ADAM22: variants seen among roughly 807,000 people sequenced by gnomAD.
ADAM22 encodes disintegrin and metalloproteinase domain-containing protein 22.
In ADAM22, 65 loss-of-function variants were observed where a neutral mutation model predicts 144.6. The ratio of observed to expected loss-of-function variants is 0.45; its 90% CI spans 0.37 to 0.55. The LOEUF is 0.55. ADAM22 is among the 20% of genes least tolerant of loss of function. The probability of loss-of-function intolerance (pLI) is 0.00; values close to 1 mark genes in which losing one functional copy is unlikely to be tolerated. For missense variants in ADAM22, 974 were observed against 1,184.9 expected (o/e 0.82, Z 2.61); for synonymous variants, 391 against 412.6 (o/e 0.95, Z 0.63).
intron 14 of ADAM22, among the ~76,000 whole-genome samples, chr7:88,141,468 G>C (rs1009656352): frequency 1.3e-5 from 2 of 151,862 alleles, no homozygotes; most frequent in South Asian, 4.1e-4. Flanking sequence ...GAAGAAGTAG[G>C]GATATAAATG....
At chr7:88,026,022 A>T (rs895843069) in intron 3 of ADAM22, among the ~76,000 whole-genome samples, 1 of 152,112 alleles carries the variant, frequency 6.6e-6, no homozygotes, top group South Asian at 2.1e-4. Context: ...TTCTTTGACA[A>T]ATGTTTTATA....
At chr7:88,045,577 A>G (rs1364798247) in intron 3 of ADAM22, among the ~76,000 whole-genome samples, 2 of 152,182 alleles carry the variant, frequency 1.3e-5, no homozygotes, top group Admixed American at 6.5e-5. Context: ...TTCCAAGTAT[A>G]TAATACATTA....
intron 3 of ADAM22, among the ~76,000 whole-genome samples, chr7:88,064,963 A>G (rs976979171): frequency 6.6e-6 from 1 of 152,136 alleles, no homozygotes; most frequent in African/African-American, 2.4e-5. Flanking sequence ...AGCAGTGGTA[A>G]TAGTAGTAGG....
intron 18 of ADAM22, among the ~76,000 whole-genome samples, chr7:88,149,423 TAGAG>T (rs930187308): frequency 2.0e-5 from 3 of 152,144 alleles, no homozygotes; most frequent in Non-Finnish European, 4.4e-5. Flanking sequence ...ACTGGATTCT[TAGAG>T]AGGACCCTTT....
chr7:88,169,467 T>G (rs113418073), intron 25 of ADAM22, among the ~76,000 whole-genome samples: 4 of 152,182 alleles, frequency 2.6e-5, no homozygotes, highest in African/African-American at 9.6e-5. Context: ...GGCAGTAAAC[T>G]AATTGCTCTC....
At chr7:88,041,929 T>C (rs1803219368) in intron 3 of ADAM22, among the ~76,000 whole-genome samples, 1 of 152,136 alleles carries the variant, frequency 6.6e-6, no homozygotes, top group East Asian at 1.9e-4. Flanking sequence ...TGTAGATTTC[T>C]TATTTGAATA....
At chr7:87,948,144 T>G (rs1157446196) in intron 2 of ADAM22, among the ~76,000 whole-genome samples, 1 of 152,188 alleles carries the variant, frequency 6.6e-6, no homozygotes, top group Non-Finnish European at 1.5e-5. Flanking sequence ...CTTTTCTCAT[T>G]CGGTATGACC....
chr7:88,087,740 G>A (rs372504592), intron 4 of ADAM22, among the ~76,000 whole-genome samples: 1 of 152,150 alleles, frequency 6.6e-6, no homozygotes, highest in East Asian at 1.9e-4. Context: ...ATCAGTGAAT[G>A]TCTATGTGTA....
At chr7:88,161,229 C>CTATTCAA (rs761949745) in intron 22 of ADAM22, among the ~76,000 whole-genome samples, 8 of 150,824 alleles carry the variant, frequency 5.3e-5, no homozygotes, top group Non-Finnish European at 1.2e-4. Flanking sequence ...AAAGGACTCC[C>CTATTCAA]TATTCAATAA....
At chr7:87,977,244 A>G (rs937469820) in intron 2 of ADAM22, among the ~76,000 whole-genome samples, 1 of 152,166 alleles carries the variant, frequency 6.6e-6, no homozygotes, top group African/African-American at 2.4e-5. Flanking sequence ...TCTTATTATT[A>G]TTAATCAGAC....
chr7:88,008,399 G>A (rs1242232157), intron 3 of ADAM22, among the ~76,000 whole-genome samples: 1 of 150,352 alleles, frequency 6.7e-6, no homozygotes, highest in East Asian at 2.0e-4. Context: ...CCCATTACTG[G>A]GTATATACCC....
At chr7:88,052,445 A>G (rs1806742387) in intron 3 of ADAM22, among the ~76,000 whole-genome samples, 1 of 151,962 alleles carries the variant, frequency 6.6e-6, no homozygotes, top group Non-Finnish European at 1.5e-5. Flanking sequence ...ACTTGCAGTC[A>G]GCGGAGATCA....
chr7:88,114,312 CTA>C (rs1220880647), intron 5 of ADAM22, among the ~76,000 whole-genome samples: 1 of 152,020 alleles, frequency 6.6e-6, no homozygotes, highest in African/African-American at 2.4e-5. Context: ...TCTTGGAATT[CTA>C]TGTTAGAGGA....
rs532739237 is a variant in ADAM22, at chr7:88,197,400, C to T, written c.*909C>T. ...AAATGCCCAGCAAAACTTCTGGCCT[C>T]CACAGTTTGCTGATGCAGGAGCCCA... On this transcript the variant is annotated 3_prime_UTR_variant, in exon 32 of 32. Transcript: ENST00000413139. 159 of 152,328 alleles carry T rather than the reference C, an allele frequency of 1.0e-3. 1 individual carries two copies. The highest frequency in any genetic ancestry group is 3.5e-3 in the African/African-American group (147 of 41,570). 9.4% of individuals were successfully genotyped at this position (152,328 alleles called of 1,614,324 possible). A position where few individuals can be genotyped will look rare whatever the true frequency, so the allele number is the denominator to read the frequency against.
At position 88,196,602 on chromosome 7, in the gene ADAM22, C is replaced by T; in HGVS notation, c.*111C>T. On this transcript the variant is annotated 3_prime_UTR_variant, in exon 32 of 32. Transcript: ENST00000413139. Reference sequence around the variant, plus strand: ...TCTGCTCTTCAGACAATACGAAGACCCTCTGAGATGCTACAGAGGAGAGGA... The same window carrying T: ...TCTGCTCTTCAGACAATACGAAGACTCTCTGAGATGCTACAGAGGAGAGGA... 1 of 1,198,416 alleles carries T rather than the reference C, an allele frequency of 8.3e-7. No homozygotes were observed. The highest frequency in any genetic ancestry group is 1.2e-6 in the Non-Finnish European group (1 of 811,264). 74.2% of individuals were successfully genotyped at this position (1,198,416 alleles called of 1,614,324 possible).
At chr7:88,067,488 T>C (rs1811569148) in intron 3 of ADAM22, among the ~76,000 whole-genome samples, 1 of 152,108 alleles carries the variant, frequency 6.6e-6, no homozygotes, top group African/African-American at 2.4e-5. Context: ...CATTATATGT[T>C]AATAGAATTT....
chr7:88,073,032 G>A (rs1415130252), intron 3 of ADAM22, among the ~76,000 whole-genome samples: 1 of 152,144 alleles, frequency 6.6e-6, no homozygotes, highest in East Asian at 1.9e-4. Flanking sequence ...TCAATTGGAT[G>A]TACAACAGGT....
At chr7:88,085,762 C>T (rs1354079481) in intron 4 of ADAM22, among the ~76,000 whole-genome samples, 1 of 152,196 alleles carries the variant, frequency 6.6e-6, no homozygotes, top group African/African-American at 2.4e-5. Context: ...TTTTCATCCT[C>T]CTCTTGTAAG....
intron 17 of ADAM22, 29 bp downstream of exon 17, chr7:88,145,536 G>GA (rs761976926): frequency 2.0e-6 from 3 of 1,531,858 alleles, no homozygotes; most frequent in East Asian, 2.3e-5. Flanking sequence ...CCATTTGACA[G>GA]AAAAAAAGGA....
Sources: gnomAD v4.1 joint callset for allele counts (sites outside exome capture counted in the v4.1 genomes callset) on GRCh38, gnomAD v4.1.1 for gene constraint, MANE v1.5 for transcripts, NCBI Gene and HGNC (gene_info 2026-07-23, HGNC 2026-07-21) for gene names.